FOXO1: variants seen among roughly 807,000 people sequenced by gnomAD.
The protein encoded by FOXO1 is forkhead box O1.
FOXO1 carries 6 observed loss-of-function variants against 44.1 expected under a neutral mutation model. The ratio of observed to expected loss-of-function variants is 0.14; its 90% CI spans 0.07 to 0.27. FOXO1 has a LOEUF of 0.27. FOXO1 is among the 10% of genes least tolerant of loss of function. The pLI is 1.00. For synonymous variants in FOXO1, 380 were observed against 362.7 expected (o/e 1.05, Z -0.54); for missense variants, 737 against 888.8 (o/e 0.83, Z 2.17).
At chr13:40,625,517 A>G (rs1219078127) in intron 1 of FOXO1, among the ~76,000 whole-genome samples, 4 of 152,362 alleles carry the variant, frequency 2.6e-5, no homozygotes. Flanking sequence ...GTGGCCCGGT[A>G]GAAAATTCTG....
chr13:40,581,563 T>C (rs192855890), intron 1 of FOXO1, among the ~76,000 whole-genome samples: 200 of 152,344 alleles, frequency 1.3e-3, no homozygotes, highest in African/African-American at 4.6e-3. Context: ...TAAGCTGTTA[T>C]TAGGCTATTC....
At chr13:40,632,326 T>C (rs979124617) in intron 1 of FOXO1, among the ~76,000 whole-genome samples, 3 of 152,102 alleles carry the variant, frequency 2.0e-5, no homozygotes, top group Non-Finnish European at 4.4e-5. Context: ...AAATCATATA[T>C]ATAAGGGATT....
chr13:40,629,129 G>A (rs992320949), intron 1 of FOXO1, among the ~76,000 whole-genome samples: 5 of 150,466 alleles, frequency 3.3e-5, no homozygotes, highest in African/African-American at 9.8e-5. Context: ...GCAATGAATA[G>A]TTAAAACAAC....
At chr13:40,611,423 G>A (rs190796499) in intron 1 of FOXO1, among the ~76,000 whole-genome samples, 98 of 152,286 alleles carry the variant, frequency 6.4e-4, no homozygotes, top group Non-Finnish European at 7.4e-5. Flanking sequence ...AATAAATTTA[G>A]AATCATATAT....
chr13:40,589,137 G>C (rs1875280412), intron 1 of FOXO1, among the ~76,000 whole-genome samples: 1 of 152,116 alleles, frequency 6.6e-6, no homozygotes, highest in Non-Finnish European at 1.5e-5. Context: ...AAATGAAAGT[G>C]TCACTGATGC....
intron 1 of FOXO1, among the ~76,000 whole-genome samples, chr13:40,583,124 G>A (rs1875018929): frequency 6.6e-6 from 1 of 152,186 alleles, no homozygotes. Flanking sequence ...TGTGTGAGGA[G>A]GTACATTATC....
chr13:40,622,270 C>T (rs7335520), intron 1 of FOXO1, among the ~76,000 whole-genome samples: 62,380 of 152,070 alleles, frequency 0.41, 13,993 homozygotes, highest in East Asian at 0.75. Flanking sequence ...ATAGATAATA[C>T]TTTAAGTTCA....
In FOXO1 at chr13:40,666,246, G is replaced by C. The variant is rs1375586012; in HGVS notation, c.-34C>G. On this transcript the variant is annotated 5_prime_UTR_variant, in exon 1 of 3. Transcript: ENST00000379561. Reference sequence around the variant, plus strand: ...CCGCCCCTCCCCCAGCCGCAGGAGAGCCAAGAGGGGGAGAACGCAGCACTG... The same window carrying C: ...CCGCCCCTCCCCCAGCCGCAGGAGACCCAAGAGGGGGAGAACGCAGCACTG... 2.9e-6 allele frequency: 4 copies of C among 1,365,828 alleles called. No individual in the cohort carries two copies. The highest frequency in any genetic ancestry group is 3.8e-6 in the Non-Finnish European group (4 of 1,059,106). 84.6% of individuals were successfully genotyped at this position (1,365,828 alleles called of 1,614,324 possible). A position where few individuals can be genotyped will look rare whatever the true frequency, so the allele number is the denominator to read the frequency against.
chr13:40,632,875 G>A (rs1455053699), intron 1 of FOXO1, among the ~76,000 whole-genome samples: 4 of 139,276 alleles, frequency 2.9e-5, no homozygotes, highest in Non-Finnish European at 4.5e-5. Flanking sequence ...AATCCGAGCT[G>A]AAGTTGTGCC....
chr13:40,657,124 AC>A (rs1877883630), intron 1 of FOXO1, among the ~76,000 whole-genome samples: 1 of 152,170 alleles, frequency 6.6e-6, no homozygotes, highest in Admixed American at 6.5e-5. Flanking sequence ...ATGCCAGTCC[AC>A]CATCCCAAAA....
At chr13:40,584,991 AT>A (rs1875102260) in intron 1 of FOXO1, among the ~76,000 whole-genome samples, 1 of 152,200 alleles carries the variant, frequency 6.6e-6, no homozygotes, top group Non-Finnish European at 1.5e-5. Context: ...TTCCAGGTAG[AT>A]TCTGATTTAA....
rs558157383 is a variant in FOXO1 at position 40,613,439 on chromosome 13, A to G, written c.630+52144T>C. ...GGTGTTTAAAAAAAAAAAAGTTACC[A>G]CACAGAAAGGACTTTAAGTCTGAAA... On this transcript the variant is annotated intron_variant, in intron 1 of 2. Transcript: ENST00000379561. Among the ~76,000 whole-genome samples, 4 of 152,090 alleles carry G rather than the reference A, an allele frequency of 2.6e-5. No homozygotes were observed. In the South Asian group the frequency reaches 8.3e-4, roughly 32 times the overall value.
chr13:40,597,485 C>T (rs562384216), intron 1 of FOXO1, among the ~76,000 whole-genome samples: 3 of 152,158 alleles, frequency 2.0e-5, no homozygotes, highest in South Asian at 2.1e-4. Context: ...GAGCTGCATC[C>T]CTAACTGTGA....
At position 40,651,085 on chromosome 13, in the gene FOXO1, T is replaced by G. The variant is rs9577089; in HGVS notation, c.630+14498A>C. Among the ~76,000 whole-genome samples, 160 of 103,290 alleles carry G rather than the reference T, an allele frequency of 1.5e-3. 4 individuals are homozygous for G. The East Asian group carries it at 0.05, about 33-fold the overall frequency. 67.8% of individuals were successfully genotyped at this position (103,290 alleles called of 152,430 possible). A position where few individuals can be genotyped will look rare whatever the true frequency, so the allele number is the denominator to read the frequency against. ...ACCACGCACTGCCTAGTTTTTTTGG[T>G]TTTTTGTTTTTTGTTTTTTGTTTTT... On this transcript the variant is annotated intron_variant, in intron 1 of 2. Coordinates refer to ENST00000379561, the MANE Select transcript of FOXO1 (RefSeq NM_002015.4).
chr13:40,589,585 T>G (rs1198033044), intron 1 of FOXO1, among the ~76,000 whole-genome samples: 7 of 152,236 alleles, frequency 4.6e-5, no homozygotes, highest in African/African-American at 1.7e-4. Flanking sequence ...AGTGAACATG[T>G]TCTACTTTGG....
chr13:40,664,200 G>A (rs1409797408), intron 1 of FOXO1, among the ~76,000 whole-genome samples: 1 of 152,214 alleles, frequency 6.6e-6, no homozygotes, highest in Non-Finnish European at 1.5e-5. Context: ...TTGAACCAGA[G>A]AGTCGGAGGT....
chr13:40,646,217 C>A (rs1457195114), intron 1 of FOXO1, among the ~76,000 whole-genome samples: 3 of 151,438 alleles, frequency 2.0e-5, no homozygotes. Context: ...AAAAAGCAAG[C>A]CTATTAATTG....
At chr13:40,640,910 A>C (rs1877329443) in intron 1 of FOXO1, among the ~76,000 whole-genome samples, 1 of 152,018 alleles carries the variant, frequency 6.6e-6, no homozygotes, top group Admixed American at 6.6e-5. Flanking sequence ...CAGCCTCCCA[A>C]GTAGCTGCGA....
At chr13:40,641,922 G>T (rs1385570460) in intron 1 of FOXO1, among the ~76,000 whole-genome samples, 1 of 152,140 alleles carries the variant, frequency 6.6e-6, no homozygotes, top group African/African-American at 2.4e-5. Context: ...GGAGGCAGAG[G>T]TTGCAGTGAA....
Sources: allele counts gnomAD v4.1 joint callset (sites outside exome capture counted in the v4.1 genomes callset), GRCh38; gene constraint gnomAD v4.1.1; transcripts MANE v1.5; gene names NCBI Gene and HGNC (gene_info 2026-07-23, HGNC 2026-07-21).